MAP2K5: variants seen among roughly 807,000 people sequenced by gnomAD.
MAP2K5 encodes mitogen-activated protein kinase kinase 5.
A neutral mutation model predicts 83.1 loss-of-function variants in MAP2K5; 49 were observed. The ratio of observed to expected loss-of-function variants is 0.59; its 90% CI spans 0.47 to 0.75. The LOEUF is 0.75. Ranked by LOEUF, MAP2K5 falls within the 30% of genes least tolerant of loss-of-function variation. MAP2K5 has a pLI of 0.00. For missense variants in MAP2K5, 457 were observed against 557.5 expected (o/e 0.82, Z 1.82); for synonymous variants, 202 against 191.8 (o/e 1.05, Z -0.44).
Position 67,794,347 on chromosome 15 carries a change from A to T in MAP2K5, c.1243-12299A>T, listed in dbSNP as rs2090568525. ...AGAGTGAGTTCTATTGATGATTTTTATTTGCTGCTGGGATGCAAAACAATC... is the reference window on the plus strand; with the variant it reads ...AGAGTGAGTTCTATTGATGATTTTTTTTTGCTGCTGGGATGCAAAACAATC... On this transcript the variant is annotated intron_variant, in intron 21 of 21. Coordinates refer to ENST00000178640, the MANE Select transcript of MAP2K5 (RefSeq NM_145160.3). This position sits in a 1 kb window ranked among gnomAD's most constrained non-coding sequence, Gnocchi z 4.6. Among the ~76,000 whole-genome samples the T allele has an allele frequency of 6.6e-6, 1 of 152,090 alleles. No individual in the cohort carries two copies. Among genetic ancestry groups the T allele is most frequent in the Non-Finnish European group, 1.5e-5 (1 of 67,990 alleles).
At chr15:67,549,056 G>A (rs2084454470) in intron 1 of MAP2K5, 20 of 1,517,456 alleles carry the variant, frequency 1.3e-5, no homozygotes, top group Non-Finnish European at 1.8e-5. Flanking sequence ...TCCCTGCTGA[G>A]AAATACTGCG....
chr15:67,755,147 T>G lies in MAP2K5; in HGVS notation c.1134+6546T>G, dbSNP rs915879588. Among the ~76,000 whole-genome samples, 3 of 151,908 alleles carry G rather than the reference T, an allele frequency of 2.0e-5. No homozygotes were observed. Among genetic ancestry groups the G allele is most frequent in the African/African-American group, 7.3e-5 (3 of 41,360 alleles). ...GCACCACCACGCCCAGCTAATTTTT[T>G]TGTGTGTTTTTAGTAGAGATGGGGT... is the stretch of plus-strand genomic sequence containing the variant. On this transcript the variant is annotated intron_variant, in intron 19 of 21. Transcript: ENST00000178640. This position sits in a 1 kb window ranked among gnomAD's most constrained non-coding sequence, Gnocchi z 4.7.
intron 12 of MAP2K5, among the ~76,000 whole-genome samples, chr15:67,660,370 T>C (rs1407597893): frequency 6.6e-6 from 1 of 152,072 alleles, no homozygotes; most frequent in African/African-American, 2.4e-5. Flanking sequence ...CCATGGCTAA[T>C]ACCTGGCACC....
At chr15:67,547,982 G>A (rs1207488072) in intron 1 of MAP2K5, among the ~76,000 whole-genome samples, 1 of 152,162 alleles carries the variant, frequency 6.6e-6, no homozygotes. Context: ...AAAATGGTTG[G>A]TTGTGTTCAC....
At chr15:67,669,813 G>A (rs1317107313) in intron 13 of MAP2K5, among the ~76,000 whole-genome samples, 1 of 152,044 alleles carries the variant, frequency 6.6e-6, no homozygotes, top group African/African-American at 2.4e-5. Flanking sequence ...CTGATAATAT[G>A]AAGTGCTGAC....
chr15:67,705,983 G>T (rs561101950), intron 16 of MAP2K5, among the ~76,000 whole-genome samples: 18 of 152,270 alleles, frequency 1.2e-4, no homozygotes, highest in African/African-American at 4.3e-4. Flanking sequence ...ATATAGCCTT[G>T]TAGGCCATGC....
intron 19 of MAP2K5, among the ~76,000 whole-genome samples, chr15:67,767,490 G>A (rs1400250581): frequency 3.3e-5 from 5 of 152,142 alleles, no homozygotes; most frequent in African/African-American, 9.7e-5. Context: ...TCCATGAAGC[G>A]ATGACTTAGA....
At chr15:67,693,469 A>T (rs376983123) in intron 14 of MAP2K5, 49 bp from the exon 15 acceptor site, 8 of 1,437,022 alleles carry the variant, frequency 5.6e-6, no homozygotes, top group Non-Finnish European at 7.7e-6. Context: ...TGCCCATTTT[A>T]TTTCCACATT....
intron 8 of MAP2K5, chr15:67,628,858 C>T (rs1378936873): frequency 1.3e-6 from 1 of 748,458 alleles, no homozygotes; most frequent in Non-Finnish European, 2.4e-6. Flanking sequence ...GCTTTGATGG[C>T]AGCCGTGGTG....
At position 67,676,780 on chromosome 15, in the gene MAP2K5, C is replaced by A. The variant is rs2087693644; in HGVS notation, c.847+12135C>A. Among the ~76,000 whole-genome samples, 1 of 152,142 alleles carries A rather than the reference C, an allele frequency of 6.6e-6. No homozygotes were observed. The highest frequency in any genetic ancestry group is 1.5e-5 in the Non-Finnish European group (1 of 68,034). On this transcript the variant is annotated intron_variant, in intron 13 of 21. Coordinates refer to ENST00000178640, the MANE Select transcript of MAP2K5 (RefSeq NM_145160.3). This position sits in a 1 kb window ranked among gnomAD's most constrained non-coding sequence, Gnocchi z 4.8. ...ATCAAGGCTCAAGCAGCCTAAAAAA[C>A]TTGCTTAGTTATAGGAAAAGTCATA...
At chr15:67,792,273 G>A (rs1421003178) in intron 21 of MAP2K5, among the ~76,000 whole-genome samples, 1 of 152,156 alleles carries the variant, frequency 6.6e-6, no homozygotes, top group East Asian at 1.9e-4. Context: ...TATGAGAAGA[G>A]TATTTAAATT....
intron 11 of MAP2K5, among the ~76,000 whole-genome samples, chr15:67,655,357 C>G (rs2087045190): frequency 6.6e-6 from 1 of 152,146 alleles, no homozygotes; most frequent in Non-Finnish European, 1.5e-5. Flanking sequence ...TTCTTTCAGT[C>G]TGAAAGACTG....
At chr15:67,616,706 T>C (rs2086063567) in intron 8 of MAP2K5, among the ~76,000 whole-genome samples, 2 of 152,166 alleles carry the variant, frequency 1.3e-5, no homozygotes, top group South Asian at 4.1e-4. Flanking sequence ...CTGAGAGACA[T>C]AGGGAGCAAA....
intron 11 of MAP2K5, among the ~76,000 whole-genome samples, chr15:67,647,735 TA>T (rs1416494149): frequency 6.6e-6 from 1 of 152,058 alleles, no homozygotes; most frequent in Non-Finnish European, 1.5e-5. Context: ...CCAGGTGTGG[TA>T]GCGCATACCT....
At chr15:67,664,333 C>CAAAAAA (rs11395465) in intron 12 of MAP2K5, among the ~76,000 whole-genome samples, 10 of 74,036 alleles carry the variant, frequency 1.4e-4, no homozygotes, top group Admixed American at 3.7e-4. Context: ...CTGTTTCTAC[C>CAAAAAA]AAAAAAAAAA....
At chr15:67,703,486 G>T in intron 16 of MAP2K5, 78 bp downstream of exon 16, 3 of 1,216,570 alleles carry the variant, frequency 2.5e-6, no homozygotes, top group Non-Finnish European at 3.6e-6. Context: ...GATTTTGAAA[G>T]AATAAGCTAA....
At chr15:67,630,842 GT>G in intron 8 of MAP2K5, 45 bp from the exon 9 acceptor site, 1 of 1,452,754 alleles carries the variant, frequency 6.9e-7, no homozygotes, top group Non-Finnish European at 9.6e-7. Flanking sequence ...CATTTTGTAG[GT>G]TGTTTAGTGA....
At chr15:67,798,810 G>C (rs972737142) in intron 21 of MAP2K5, among the ~76,000 whole-genome samples, 2 of 152,172 alleles carry the variant, frequency 1.3e-5, no homozygotes, top group East Asian at 1.9e-4. Context: ...CACTTCCCAG[G>C]TCTTAAAAGG....
intron 3 of MAP2K5, among the ~76,000 whole-genome samples, chr15:67,570,428 A>C (rs1383350528): frequency 6.6e-6 from 1 of 152,220 alleles, no homozygotes; most frequent in Non-Finnish European, 1.5e-5. Flanking sequence ...CTTTTAAGGA[A>C]AAGCTTGTAC....
Sources: allele counts gnomAD v4.1 joint callset (sites outside exome capture counted in the v4.1 genomes callset), GRCh38; gene constraint gnomAD v4.1.1; non-coding constraint Gnocchi (gnomAD v3.1); transcripts MANE v1.5; gene names NCBI Gene and HGNC (gene_info 2026-07-23, HGNC 2026-07-21).